Variants in CDH12 observed in about 807,000 individuals in gnomAD.
The protein encoded by CDH12 is cadherin-12.
Under a neutral mutation model 74.1 loss-of-function variants are expected in CDH12, and 41 were observed. The observed-to-expected ratio is 0.55, with a 90% CI of 0.43 to 0.72. CDH12 has a LOEUF of 0.72. CDH12 is among the 30% of genes least tolerant of loss of function. CDH12 has a pLI of 0.00. For missense variants in CDH12, 945 were observed against 977.2 expected (o/e 0.97, Z 0.44); for synonymous variants, 399 against 355.0 (o/e 1.12, Z -1.39).
chr5:22,632,720 A>G (rs1030674572), intron 1 of CDH12, among the ~76,000 whole-genome samples: 9 of 152,134 alleles, frequency 5.9e-5, no homozygotes, highest in Admixed American at 5.2e-4. Flanking sequence ...TAGGAATCTC[A>G]GCTTGTAAGG....
At chr5:22,042,889 C>CAAAAG (rs1561050776) in intron 5 of CDH12, among the ~76,000 whole-genome samples, 1 of 56,064 alleles carries the variant, frequency 1.8e-5, no homozygotes, top group Non-Finnish European at 4.2e-5. Flanking sequence ...GATTCTATCT[C>CAAAAG]AAAAAAAAAA....
intron 3 of CDH12, among the ~76,000 whole-genome samples, chr5:22,358,945 G>C (rs534950077): frequency 6.6e-6 from 1 of 152,114 alleles, no homozygotes; most frequent in Non-Finnish European, 1.5e-5. Flanking sequence ...TTACCTAGAA[G>C]ATATTTTAAA....
At chr5:21,854,879 G>A (rs1474180970) in intron 6 of CDH12, 89 bp from the exon 7 acceptor site, 3 of 1,235,652 alleles carry the variant, frequency 2.4e-6, no homozygotes, top group Non-Finnish European at 2.3e-6. Flanking sequence ...TTTTCCTTTG[G>A]TATTTGACCT....
intron 2 of CDH12, among the ~76,000 whole-genome samples, chr5:22,426,119 A>G (rs191857840): frequency 0.012 from 1,762 of 151,124 alleles, 19 homozygotes; most frequent in Middle Eastern, 0.02. Context: ...CCTGGGAGGC[A>G]GAGTTTGCAG....
At chr5:22,389,237 A>C (rs552624843) in intron 3 of CDH12, among the ~76,000 whole-genome samples, 2 of 152,338 alleles carry the variant, frequency 1.3e-5, no homozygotes, top group South Asian at 4.1e-4. Context: ...TATTTGGCAC[A>C]TTAAAAGCTA....
At chr5:22,685,011 T>G (rs992069050) in intron 1 of CDH12, among the ~76,000 whole-genome samples, 2 of 152,190 alleles carry the variant, frequency 1.3e-5, no homozygotes, top group African/African-American at 4.8e-5. Flanking sequence ...AAAATAGTTT[T>G]TTGGCAGACC....
chr5:22,127,800 C>T (rs1745969917), intron 4 of CDH12, among the ~76,000 whole-genome samples: 2 of 152,134 alleles, frequency 1.3e-5, no homozygotes, highest in Admixed American at 1.3e-4. Context: ...TAGCCTAAGG[C>T]TGTAGTACTG....
At chr5:21,795,268 C>T (rs1453540850) in intron 10 of CDH12, among the ~76,000 whole-genome samples, 1 of 151,600 alleles carries the variant, frequency 6.6e-6, no homozygotes, top group African/African-American at 2.4e-5. Flanking sequence ...TGTGATCCAA[C>T]ATTTTGGAAC....
intron 3 of CDH12, among the ~76,000 whole-genome samples, chr5:22,388,712 A>G (rs558902747): frequency 6.6e-6 from 1 of 152,322 alleles, no homozygotes; most frequent in Non-Finnish European, 1.5e-5. Context: ...CTTTAATTCT[A>G]TACTGTATAT....
intron 2 of CDH12, among the ~76,000 whole-genome samples, chr5:22,478,392 TG>T (rs1177911501): frequency 1.7e-5 from 2 of 114,688 alleles, no homozygotes; most frequent in African/African-American, 7.0e-5. Context: ...CCCTCCAGCC[TG>T]GGCGACAGAG....
intron 8 of CDH12, among the ~76,000 whole-genome samples, chr5:21,817,967 A>G (rs1748155568): frequency 6.6e-6 from 1 of 152,062 alleles, no homozygotes; most frequent in South Asian, 2.1e-4. Context: ...AAACATAGAC[A>G]TTATTTTAAG....
rs1258551868 is a variant in CDH12 at position 22,241,249 on chromosome 5, A to C, written c.-332-28606T>G. ...CATATAAATACACTTTTTTTCCCACAAAGGCCATAACGTATTTTCAAAACC... is the reference window on the plus strand; with the variant it reads ...CATATAAATACACTTTTTTTCCCACCAAGGCCATAACGTATTTTCAAAACC... On this transcript the variant is annotated intron_variant, in intron 3 of 14. Transcript: ENST00000382254. 2.0e-5 allele frequency among the ~76,000 whole-genome samples: 3 copies of C among 152,048 alleles called. No individual in the cohort carries two copies. The East Asian group carries it at 5.8e-4, about 29-fold the overall frequency.
intron 1 of CDH12, among the ~76,000 whole-genome samples, chr5:22,583,533 T>C (rs1473619134): frequency 6.6e-6 from 1 of 152,184 alleles, no homozygotes; most frequent in Admixed American, 6.5e-5. Context: ...AATCCTTTAA[T>C]GGAAGGAAAC....
chr5:21,980,118 A>G (rs1392086695), intron 5 of CDH12, among the ~76,000 whole-genome samples: 1 of 150,356 alleles, frequency 6.7e-6, no homozygotes. Flanking sequence ...TCCTTCGCCC[A>G]CTTCATGTAC....
intron 5 of CDH12, among the ~76,000 whole-genome samples, chr5:22,059,310 CATCT>C (rs1741000832): frequency 1.3e-5 from 2 of 151,062 alleles, no homozygotes; most frequent in African/African-American, 2.4e-5. Context: ...ATCTATCTAT[CATCT>C]ATCCATCTAT....
intron 3 of CDH12, among the ~76,000 whole-genome samples, chr5:22,393,505 T>G (rs1380428079): frequency 1.3e-5 from 2 of 152,196 alleles, no homozygotes; most frequent in Admixed American, 6.5e-5. Context: ...GGAAGTCAGG[T>G]TCTGCTACAA....
intron 5 of CDH12, among the ~76,000 whole-genome samples, chr5:22,024,541 C>T (rs1361210183): frequency 6.6e-6 from 1 of 152,076 alleles, no homozygotes; most frequent in African/African-American, 2.4e-5. Context: ...GATACAGAGT[C>T]TCACTCTGTC....
At chr5:22,468,221 T>G (rs1268805596) in intron 2 of CDH12, among the ~76,000 whole-genome samples, 2 of 152,216 alleles carry the variant, frequency 1.3e-5, no homozygotes, top group Non-Finnish European at 2.9e-5. Flanking sequence ...CTTCAGCATA[T>G]TCAACCTGTG....
At chr5:22,371,558 T>C (rs1278008691) in intron 3 of CDH12, among the ~76,000 whole-genome samples, 4 of 152,194 alleles carry the variant, frequency 2.6e-5, no homozygotes, top group African/African-American at 4.8e-5. Flanking sequence ...TTTTATATTA[T>C]TATTTTTTAA....
Sources: allele counts gnomAD v4.1 joint callset (sites outside exome capture counted in the v4.1 genomes callset), GRCh38; gene constraint gnomAD v4.1.1; transcripts MANE v1.5; gene names NCBI Gene and HGNC (gene_info 2026-07-23, HGNC 2026-07-21).